MGMT: variants seen among roughly 807,000 people sequenced by gnomAD.
MGMT encodes O-6-methylguanine-DNA methyltransferase.
In MGMT, 14 loss-of-function variants were observed where a neutral mutation model predicts 15.9. That is an observed-to-expected ratio of 0.88 (90% CI 0.58 to 1.37). MGMT has a LOEUF of 1.37. MGMT is among the 40% of genes most tolerant of loss of function. The pLI, the probability that MGMT is intolerant of heterozygous loss-of-function variation, is 0.00. For synonymous variants in MGMT, 130 were observed against 118.2 expected (o/e 1.10, Z -0.65); for missense variants, 282 against 268.1 (o/e 1.05, Z -0.36).
At chr10:129,632,135 A>G (rs780460897) in intron 2 of MGMT, among the ~76,000 whole-genome samples, 1 of 152,252 alleles carries the variant, frequency 6.6e-6, no homozygotes, top group Non-Finnish European at 1.5e-5. Context: ...TTTATGCACC[A>G]GCGTATGCAT....
At chr10:129,749,170 C>G (rs1333509963) in intron 3 of MGMT, among the ~76,000 whole-genome samples, 1 of 152,176 alleles carries the variant, frequency 6.6e-6, no homozygotes, top group African/African-American at 2.4e-5. Flanking sequence ...TAGATTCACT[C>G]TTTGTGCTGT....
At chr10:129,517,897 C>T (rs976420121) in intron 1 of MGMT, among the ~76,000 whole-genome samples, 1 of 152,202 alleles carries the variant, frequency 6.6e-6, no homozygotes, top group Non-Finnish European at 1.5e-5. Flanking sequence ...AGTTTTCCCC[C>T]AGTTCCCTAC....
chr10:129,738,560 C>T (rs927132533), intron 3 of MGMT, among the ~76,000 whole-genome samples: 1 of 152,248 alleles, frequency 6.6e-6, no homozygotes. Context: ...TGTTCCTATT[C>T]GGCCATCTTG....
intron 3 of MGMT, 41 bp from the exon 4 acceptor site, chr10:129,759,161 C>T (rs370700428): frequency 1.2e-6 from 2 of 1,610,566 alleles, no homozygotes; most frequent in African/African-American, 2.7e-5. Context: ...GCTGCTGAAG[C>T]CGTTTGTCCA....
chr10:129,705,844 C>A (rs758608713), intron 2 of MGMT, among the ~76,000 whole-genome samples: 4 of 151,864 alleles, frequency 2.6e-5, no homozygotes, highest in East Asian at 3.9e-4. Flanking sequence ...AGGAGACAGG[C>A]CCTCATTCAT....
intron 2 of MGMT, among the ~76,000 whole-genome samples, chr10:129,585,706 A>G (rs1846610332): frequency 6.6e-6 from 1 of 152,076 alleles, no homozygotes; most frequent in African/African-American, 2.4e-5. Context: ...TTTTCCGAAT[A>G]TTTTTGATCT....
chr10:129,648,609 G>A (rs1847422345), intron 2 of MGMT, among the ~76,000 whole-genome samples: 1 of 152,174 alleles, frequency 6.6e-6, no homozygotes, highest in Non-Finnish European at 1.5e-5. Flanking sequence ...GTTTAACATT[G>A]ATTTCTAAAA....
chr10:129,683,009 C>T (rs80312298), intron 2 of MGMT, among the ~76,000 whole-genome samples: 11,584 of 152,216 alleles, frequency 0.076, 629 homozygotes, highest in African/African-American at 0.14. Context: ...CCACCATGTC[C>T]GGCTAATTTT....
chr10:129,549,614 T>C (rs1846133555), intron 2 of MGMT, among the ~76,000 whole-genome samples: 1 of 152,232 alleles, frequency 6.6e-6, no homozygotes, highest in Non-Finnish European at 1.5e-5. Context: ...ACAAATTGTG[T>C]CCAAGCAAAT....
rs1845951869 is a variant in MGMT, at chr10:129,533,278, G to A, written c.-12-2963G>A. 6.6e-6 allele frequency among the ~76,000 whole-genome samples: 1 copy of A among 152,216 alleles called. No homozygotes were observed. The highest frequency in any genetic ancestry group is 2.1e-4 in the South Asian group (1 of 4,822). On this transcript the variant is annotated intron_variant, in intron 1 of 4. Coordinates refer to ENST00000651593, the MANE Select transcript of MGMT (RefSeq NM_002412.5). This position sits in a 1 kb window ranked among gnomAD's most constrained non-coding sequence, Gnocchi z 4.5. ...CTTTGAGTTGTGGAGTAGCCTTTCA[G>A]TAAACGGCATTTGTGCTTAAATTAG...
At chr10:129,512,592 G>A (rs1210893271) in intron 1 of MGMT, among the ~76,000 whole-genome samples, 1 of 152,190 alleles carries the variant, frequency 6.6e-6, no homozygotes, top group African/African-American at 2.4e-5. Flanking sequence ...AGGAAAGTGA[G>A]TGCCTGGCAT....
intron 2 of MGMT, among the ~76,000 whole-genome samples, chr10:129,653,779 T>C (rs935460643): frequency 6.6e-6 from 1 of 152,226 alleles, no homozygotes; most frequent in African/African-American, 2.4e-5. Context: ...AGGCTATTTC[T>C]GCATCACTGA....
chr10:129,649,205 A>G (rs1342754554), intron 2 of MGMT, among the ~76,000 whole-genome samples: 1 of 152,136 alleles, frequency 6.6e-6, no homozygotes, highest in Admixed American at 6.5e-5. Context: ...CTCGGCTGTT[A>G]TCTGTTTGAG....
intron 1 of MGMT, among the ~76,000 whole-genome samples, chr10:129,505,391 A>G (rs1177348425): frequency 6.6e-6 from 1 of 152,242 alleles, no homozygotes; most frequent in Non-Finnish European, 1.5e-5. Context: ...GGCTGACAAC[A>G]TATCAAATAC....
intron 4 of MGMT, among the ~76,000 whole-genome samples, chr10:129,762,068 C>T (rs1848880188): frequency 6.6e-6 from 1 of 152,196 alleles, no homozygotes; most frequent in African/African-American, 2.4e-5. Context: ...AGAGGAAGGG[C>T]GCTGGCCAGC....
intron 2 of MGMT, among the ~76,000 whole-genome samples, chr10:129,675,107 C>T (rs1191970550): frequency 6.6e-6 from 1 of 152,238 alleles, no homozygotes; most frequent in African/African-American, 2.4e-5. Flanking sequence ...TTGGGGGACC[C>T]GAGGAGGACC....
intron 3 of MGMT, among the ~76,000 whole-genome samples, chr10:129,750,392 C>CT (rs906632429): frequency 2.2e-4 from 33 of 151,790 alleles, no homozygotes; most frequent in African/African-American, 7.7e-4. Flanking sequence ...TTGCTTTTTG[C>CT]TTTTTTTTGT....
At chr10:129,693,628 G>C (rs183970693) in intron 2 of MGMT, 2 of 152,466 alleles carry the variant, frequency 1.3e-5, no homozygotes, top group South Asian at 4.1e-4. Flanking sequence ...AGGAGAGACC[G>C]GTGCGGTGGC....
chr10:129,593,260 T>C (rs1319969797), intron 2 of MGMT, among the ~76,000 whole-genome samples: 1 of 152,212 alleles, frequency 6.6e-6, no homozygotes, highest in Non-Finnish European at 1.5e-5. Flanking sequence ...GGCCTCCAAG[T>C]CATGACGGTG....
Sources: allele counts gnomAD v4.1 joint callset (sites outside exome capture counted in the v4.1 genomes callset), GRCh38; gene constraint gnomAD v4.1.1; non-coding constraint Gnocchi (gnomAD v3.1); transcripts MANE v1.5; gene names NCBI Gene and HGNC (gene_info 2026-07-23, HGNC 2026-07-21).